The following DLG2 variants were observed in gnomAD, a reference collection of about 807,000 sequenced individuals.
The protein encoded by DLG2 is disks large homolog 2.
In DLG2, 45 loss-of-function variants were observed where a neutral mutation model predicts 132.5. That is an observed-to-expected ratio of 0.34 (90% CI 0.27 to 0.44). The LOEUF (loss-of-function observed/expected upper bound fraction) is 0.44. Among genes scored for constraint, DLG2 ranks in the 20% least tolerant of loss-of-function variants. DLG2 has a pLI of 1.00. For synonymous variants in DLG2, 424 were observed against 419.6 expected (o/e 1.01, Z -0.13); for missense variants, 1,045 against 1,196.9 (o/e 0.87, Z 1.87).
In DLG2 at chr11:85,180,126, G is replaced by T. The variant is rs1489317511; in HGVS notation, c.187-25475C>A. 2.0e-5 allele frequency among the ~76,000 whole-genome samples: 3 copies of T among 151,738 alleles called. No individual in the cohort carries two copies. The East Asian group carries it at 5.8e-4, about 29-fold the overall frequency. Reference sequence around the variant, plus strand: ...AAGCTTTATGGATGTCAAAATGCCAGCAGGATTATTTTAAGTGAAAAAGTA... The same window carrying T: ...AAGCTTTATGGATGTCAAAATGCCATCAGGATTATTTTAAGTGAAAAAGTA... On this transcript the variant is annotated intron_variant, in intron 4 of 27. Coordinates refer to ENST00000376104, the MANE Select transcript of DLG2 (RefSeq NM_001142699.3).
At chr11:84,161,437 G>C (rs1464581936) in intron 9 of DLG2, among the ~76,000 whole-genome samples, 3 of 152,130 alleles carry the variant, frequency 2.0e-5, no homozygotes, top group Non-Finnish European at 4.4e-5. Context: ...TTGACATAGA[G>C]GCTTTGGAGA....
chr11:83,495,803 C>T (rs556379780), intron 21 of DLG2, among the ~76,000 whole-genome samples: 97 of 152,264 alleles, frequency 6.4e-4, no homozygotes, highest in Non-Finnish European at 9.7e-4. Flanking sequence ...TAAACTTTGA[C>T]TCAATTCATA....
chr11:84,648,409 T>C (rs557131403), intron 6 of DLG2, among the ~76,000 whole-genome samples: 2 of 152,198 alleles, frequency 1.3e-5, no homozygotes, highest in Non-Finnish European at 2.9e-5. Flanking sequence ...GAGATGCAAG[T>C]AGATAAAATT....
chr11:85,517,988 C>T (rs1233287740), intron 3 of DLG2, among the ~76,000 whole-genome samples: 1 of 152,162 alleles, frequency 6.6e-6, no homozygotes, highest in East Asian at 1.9e-4. Context: ...GTGACTTGCT[C>T]CTCCTTGCCT....
intron 21 of DLG2, among the ~76,000 whole-genome samples, chr11:83,499,852 G>GAGATAT (rs2094358910): frequency 1.6e-5 from 1 of 61,624 alleles, no homozygotes; most frequent in Non-Finnish European, 3.3e-5. Flanking sequence ...ACTAATAGGA[G>GAGATAT]ATATATATAT....
At chr11:83,913,879 A>G (rs2076479491) in intron 15 of DLG2, among the ~76,000 whole-genome samples, 1 of 152,192 alleles carries the variant, frequency 6.6e-6, no homozygotes, top group Non-Finnish European at 1.5e-5. Flanking sequence ...TTTGCAATGC[A>G]GAATGCTCCA....
At chr11:83,938,053 G>A (rs539922742) in intron 14 of DLG2, among the ~76,000 whole-genome samples, 4 of 152,174 alleles carry the variant, frequency 2.6e-5, no homozygotes, top group East Asian at 3.9e-4. Context: ...CAGCAAAACA[G>A]AATAAAACAA....
At position 84,810,618 on chromosome 11, in the gene DLG2, G is replaced by T. The variant is rs538524462; in HGVS notation, c.358-275887C>A. ...CATGCAACTATTAACAAATAACCTA[G>T]TAGTTAACCTAGAGAAATAAAAACT... On this transcript the variant is annotated intron_variant, in intron 6 of 27. Coordinates refer to ENST00000376104, the MANE Select transcript of DLG2 (RefSeq NM_001142699.3). 2.5e-4 allele frequency among the ~76,000 whole-genome samples: 38 copies of T among 152,206 alleles called. 1 individual carries two copies. The highest frequency in any genetic ancestry group is 6.8e-3 in the Middle Eastern group (2 of 294).
chr11:85,297,662 C>A (rs1280541182), intron 3 of DLG2, among the ~76,000 whole-genome samples: 1 of 151,912 alleles, frequency 6.6e-6, no homozygotes, highest in Non-Finnish European at 1.5e-5. Flanking sequence ...CCTTCCTGAA[C>A]AATTCAGTCC....
At chr11:84,942,383 G>A (rs2049558133) in intron 6 of DLG2, among the ~76,000 whole-genome samples, 1 of 151,938 alleles carries the variant, frequency 6.6e-6, no homozygotes, top group South Asian at 2.1e-4. Context: ...ATTCCTTTTA[G>A]TATTGCCTTC....
chr11:83,956,993 C>T (rs1340276163), intron 14 of DLG2, among the ~76,000 whole-genome samples: 4 of 152,084 alleles, frequency 2.6e-5, no homozygotes, highest in Non-Finnish European at 2.9e-5. Flanking sequence ...TCTGGTGTGT[C>T]GACTTCATTT....
intron 19 of DLG2, among the ~76,000 whole-genome samples, chr11:83,564,748 T>C (rs913235851): frequency 1.3e-5 from 2 of 152,218 alleles, no homozygotes; most frequent in African/African-American, 4.8e-5. Flanking sequence ...AACCATTCCA[T>C]CTCTCATAAT....
chr11:84,953,161 A>G (rs1187140531), intron 6 of DLG2, among the ~76,000 whole-genome samples: 2 of 152,164 alleles, frequency 1.3e-5, no homozygotes, highest in South Asian at 2.1e-4. Context: ...TGAACAAACA[A>G]ATCGGTTCAT....
At chr11:83,745,680 T>C (rs751907138) in intron 18 of DLG2, among the ~76,000 whole-genome samples, 2 of 152,078 alleles carry the variant, frequency 1.3e-5, no homozygotes, top group Non-Finnish European at 2.9e-5. Context: ...CATGCACCTG[T>C]AGTCCCAGCT....
intron 6 of DLG2, chr11:84,720,302 T>C (rs1358026624): frequency 1.0e-6 from 1 of 985,338 alleles, no homozygotes; most frequent in Non-Finnish European, 1.2e-6. Flanking sequence ...CTACCTTGCA[T>C]CCAAACATCA....
At chr11:84,330,972 T>G (rs1423126125) in intron 7 of DLG2, among the ~76,000 whole-genome samples, 1 of 152,216 alleles carries the variant, frequency 6.6e-6, no homozygotes, top group Non-Finnish European at 1.5e-5. Flanking sequence ...CTGTTCTTAT[T>G]TACAGATCCT....
intron 18 of DLG2, among the ~76,000 whole-genome samples, chr11:83,750,970 G>C (rs183184870): frequency 2.0e-5 from 3 of 152,234 alleles, no homozygotes; most frequent in Admixed American, 2.0e-4. Context: ...AGCAAAACAA[G>C]ATAAACTCTC....
At chr11:85,199,777 C>T (rs1004966995) in intron 4 of DLG2, among the ~76,000 whole-genome samples, 3 of 152,170 alleles carry the variant, frequency 2.0e-5, no homozygotes, top group South Asian at 2.1e-4. Flanking sequence ...TGTATAAATA[C>T]ACACAGTGAG....
At chr11:85,345,083 AAAG>A (rs1330552504) in intron 3 of DLG2, among the ~76,000 whole-genome samples, 1 of 152,170 alleles carries the variant, frequency 6.6e-6, no homozygotes, top group African/African-American at 2.4e-5. Context: ...TGTCAAGAGT[AAAG>A]AAGCACATTG....
Sources: gnomAD v4.1 joint callset for allele counts (sites outside exome capture counted in the v4.1 genomes callset) on GRCh38, gnomAD v4.1.1 for gene constraint, MANE v1.5 for transcripts, NCBI Gene and HGNC (gene_info 2026-07-23, HGNC 2026-07-21) for gene names.